EVI5: variants seen among roughly 807,000 people sequenced by gnomAD.
EVI5 encodes ecotropic viral integration site 5.
In EVI5, 73 loss-of-function variants were observed where a neutral mutation model predicts 112.0. That is an observed-to-expected ratio of 0.65 (90% CI 0.54 to 0.79). The LOEUF (loss-of-function observed/expected upper bound fraction) is 0.79, where lower values mean the gene tolerates loss of function less well. Ranked by LOEUF, EVI5 falls within the 30% of genes least tolerant of loss-of-function variation. The pLI is 0.00. For missense variants in EVI5, 900 were observed against 968.8 expected (o/e 0.93, Z 0.94); for synonymous variants, 305 against 319.9 (o/e 0.95, Z 0.50).
chr1:92,574,471 G>A (rs968116177), intron 18 of EVI5, among the ~76,000 whole-genome samples: 1 of 152,134 alleles, frequency 6.6e-6, no homozygotes, highest in African/African-American at 2.4e-5. Flanking sequence ...TTTCTCTACA[G>A]TTCTAAGTAG....
intron 10 of EVI5, among the ~76,000 whole-genome samples, chr1:92,672,115 C>T (rs949955787): frequency 1.3e-5 from 2 of 151,994 alleles, no homozygotes; most frequent in African/African-American, 4.8e-5. Context: ...GCATGCCTGG[C>T]CCACCATCAT....
intron 18 of EVI5, among the ~76,000 whole-genome samples, chr1:92,598,867 A>G (rs1411852415): frequency 6.6e-6 from 1 of 152,162 alleles, no homozygotes; most frequent in Non-Finnish European, 1.5e-5. Context: ...TAAGACGCGA[A>G]TACAAAGACA....
intron 19 of EVI5, among the ~76,000 whole-genome samples, chr1:92,554,483 C>T (rs1667403441): frequency 6.6e-6 from 1 of 152,142 alleles, no homozygotes; most frequent in African/African-American, 2.4e-5. Context: ...ATTTTAAGAA[C>T]ACTTCTGGTT....
chr1:92,700,516 T>C (rs867403850), intron 5 of EVI5, among the ~76,000 whole-genome samples: 1 of 152,180 alleles, frequency 6.6e-6, no homozygotes. Context: ...GCTAAGTAGA[T>C]CAATCACCAA....
chr1:92,562,860 T>A (rs1374486290), intron 19 of EVI5, among the ~76,000 whole-genome samples: 1 of 152,178 alleles, frequency 6.6e-6, no homozygotes, highest in East Asian at 1.9e-4. Context: ...AATTTCTCTT[T>A]CTTCTTCTTT....
intron 18 of EVI5, among the ~76,000 whole-genome samples, chr1:92,592,136 G>A (rs1674055889): frequency 6.6e-6 from 1 of 152,194 alleles, no homozygotes; most frequent in South Asian, 2.1e-4. Context: ...CCAGCTACTT[G>A]GGAGGCTGAG....
intron 2 of EVI5, among the ~76,000 whole-genome samples, chr1:92,725,000 A>G (rs1365112718): frequency 1.3e-5 from 2 of 152,084 alleles, no homozygotes; most frequent in Middle Eastern, 3.2e-3. Context: ...TGAACTGAGG[A>G]GATGATGAGA....
rs1655474954 is a variant in EVI5 at position 92,625,514 on chromosome 1, C to T, written c.1668+280G>A. Among the ~76,000 whole-genome samples the T allele has an allele frequency of 2.6e-5, 4 of 152,152 alleles. No individual in the cohort carries two copies. The South Asian group carries it at 8.3e-4, about 32-fold the overall frequency. On this transcript the variant is annotated intron_variant, in intron 15 of 19. Transcript: ENST00000684568. ...GACAAAATATGTATTATATAGAACA[C>T]TTTCACAGTTTGCAGAAAAAGTTAC...
At position 92,785,043 on chromosome 1, in the gene EVI5, G is replaced by C; in HGVS notation, c.-289C>G. 1 of 985,640 alleles carries C rather than the reference G, an allele frequency of 1.0e-6. No homozygotes were observed. The highest frequency in any genetic ancestry group is 1.7e-5 in the African/African-American group (1 of 57,334). The allele number at this position is 985,640 out of a possible 1,614,324, so 61.1% of individuals were successfully genotyped here. On this transcript the variant is annotated 5_prime_UTR_variant, in exon 1 of 20. Coordinates refer to ENST00000684568, the MANE Select transcript of EVI5 (RefSeq NM_001350197.2). ...CGGCACCGCCGCTGTCGGAACTGCA[G>C]CCAGCCCCTTGCCAGCTGGCCAGCT... is the stretch of plus-strand genomic sequence containing the variant.
chr1:92,744,598 T>A (rs61800528), intron 1 of EVI5, among the ~76,000 whole-genome samples: 61 of 58,564 alleles, frequency 1.0e-3, no homozygotes, highest in African/African-American at 3.8e-3. Context: ...TCTCTCTCTC[T>A]CTCACACACA....
At chr1:92,747,281 A>T (rs1169743027) in intron 1 of EVI5, among the ~76,000 whole-genome samples, 1 of 152,216 alleles carries the variant, frequency 6.6e-6, no homozygotes, top group African/African-American at 2.4e-5. Context: ...ACTATTTTAT[A>T]TATGGGATTT....
At chr1:92,728,681 C>T (rs1231830519) in intron 2 of EVI5, among the ~76,000 whole-genome samples, 1 of 152,170 alleles carries the variant, frequency 6.6e-6, no homozygotes, top group Admixed American at 6.6e-5. Flanking sequence ...AGCCACCGGG[C>T]CCAGCGAATC....
At chr1:92,671,414 A>T (rs896691032) in intron 10 of EVI5, among the ~76,000 whole-genome samples, 4 of 152,076 alleles carry the variant, frequency 2.6e-5, no homozygotes, top group African/African-American at 9.7e-5. Flanking sequence ...CAATTCTTGA[A>T]TTCTTCTCTA....
intron 1 of EVI5, among the ~76,000 whole-genome samples, chr1:92,761,931 A>G (rs935615185): frequency 7.7e-6 from 1 of 129,154 alleles, no homozygotes. Flanking sequence ...CTTGCATATT[A>G]TAAGTATTAC....
intron 9 of EVI5, among the ~76,000 whole-genome samples, chr1:92,677,856 C>T (rs1666989622): frequency 6.6e-6 from 1 of 152,070 alleles, no homozygotes; most frequent in Admixed American, 6.6e-5. Context: ...GTAGACTGCA[C>T]CTGAACTAAC....
intron 2 of EVI5, among the ~76,000 whole-genome samples, chr1:92,731,185 T>C (rs561496760): frequency 1.3e-5 from 2 of 152,114 alleles, no homozygotes; most frequent in East Asian, 3.9e-4. Flanking sequence ...TTAGCCGTCA[T>C]AGTGGCACAT....
intron 3 of EVI5, 44 bp from the exon 4 acceptor site, chr1:92,703,663 C>T (rs1671537520): frequency 4.9e-6 from 6 of 1,225,490 alleles, no homozygotes; most frequent in South Asian, 2.7e-5. Context: ...TTTAAGTGTC[C>T]TATCTTGCAA....
At chr1:92,535,165 A>G (rs1436537800) in intron 19 of EVI5, among the ~76,000 whole-genome samples, 1 of 152,232 alleles carries the variant, frequency 6.6e-6, no homozygotes, top group African/African-American at 2.4e-5. Flanking sequence ...TATGAAAAAA[A>G]GCTAATCATC....
chr1:92,628,568 C>T (rs140293435), intron 14 of EVI5, among the ~76,000 whole-genome samples: 11 of 152,226 alleles, frequency 7.2e-5, no homozygotes, highest in African/African-American at 2.6e-4. Flanking sequence ...TATCCCAGCA[C>T]ACGGATACAA....
Sources: allele counts gnomAD v4.1 joint callset (sites outside exome capture counted in the v4.1 genomes callset), GRCh38; gene constraint gnomAD v4.1.1; transcripts MANE v1.5; gene names NCBI Gene and HGNC (gene_info 2026-07-23, HGNC 2026-07-21).